The following GULP1 variants were observed in gnomAD, a reference collection of about 807,000 sequenced individuals.
GULP1 encodes the protein PTB domain-containing engulfment adapter protein 1.
In GULP1, 19 loss-of-function variants were observed where a neutral mutation model predicts 40.9. The ratio of observed to expected loss-of-function variants is 0.46; its 90% CI spans 0.32 to 0.68. GULP1 has a LOEUF of 0.68. GULP1 is among the 30% of genes least tolerant of loss of function. The probability of loss-of-function intolerance (pLI) is 0.03; values close to 1 mark genes in which losing one functional copy is unlikely to be tolerated. For synonymous variants in GULP1, 119 were observed against 117.6 expected, an observed-to-expected ratio of 1.01 and a Z score of -0.08; for missense variants, 312 against 362.2, an observed-to-expected ratio of 0.86 and a Z score of 1.12.
intron 1 of GULP1, among the ~76,000 whole-genome samples, chr2:188,312,613 G>A (rs1351414771): frequency 6.6e-6 from 1 of 152,172 alleles, no homozygotes; most frequent in African/African-American, 2.4e-5. Flanking sequence ...ACATATGTGT[G>A]CATGTGTCTT....
intron 4 of GULP1, among the ~76,000 whole-genome samples, chr2:188,520,241 A>T (rs1021411532): frequency 2.0e-4 from 31 of 152,148 alleles, no homozygotes; most frequent in African/African-American, 7.2e-4. Flanking sequence ...CAAGCATATT[A>T]AAAAAGGAAC....
At chr2:188,396,446 G>C (rs1216225466) in intron 2 of GULP1, among the ~76,000 whole-genome samples, 1 of 152,226 alleles carries the variant, frequency 6.6e-6, no homozygotes, top group Non-Finnish European at 1.5e-5. Flanking sequence ...GCGGAGCGGG[G>C]AGTAACAGGT....
chr2:188,580,912 G>A (rs79263054), intron 9 of GULP1, among the ~76,000 whole-genome samples: 3,187 of 152,266 alleles, frequency 0.021, 105 homozygotes, highest in African/African-American at 0.073. Context: ...TGAGGAATGT[G>A]GCTCCCGGCC....
At chr2:188,494,214 G>A (rs1242442935) in intron 4 of GULP1, among the ~76,000 whole-genome samples, 1 of 151,848 alleles carries the variant, frequency 6.6e-6, no homozygotes, top group African/African-American at 2.4e-5. Flanking sequence ...TCTTCCACAG[G>A]TATCAGCTGT....
At chr2:188,436,714 G>A (rs2057441059) in intron 2 of GULP1, among the ~76,000 whole-genome samples, 1 of 151,978 alleles carries the variant, frequency 6.6e-6, no homozygotes, top group South Asian at 2.1e-4. Flanking sequence ...TTAACAGGTA[G>A]TTTATACATA....
At chr2:188,544,585 G>A (rs1220093223) in intron 7 of GULP1, among the ~76,000 whole-genome samples, 2 of 151,570 alleles carry the variant, frequency 1.3e-5, no homozygotes, top group Admixed American at 6.6e-5. Flanking sequence ...ATAAAGTAAT[G>A]ACATGAAAGA....
At chr2:188,384,587 T>G (rs1183951650) in intron 2 of GULP1, among the ~76,000 whole-genome samples, 1 of 152,242 alleles carries the variant, frequency 6.6e-6, no homozygotes. Context: ...TCCCCCAAAG[T>G]CTTAACTCAT....
intron 4 of GULP1, chr2:188,491,318 A>G (rs1041544800): frequency 1.3e-5 from 2 of 152,106 alleles, no homozygotes; most frequent in African/African-American, 2.4e-5. Context: ...ATACCATTTC[A>G]GTAATGGTGT....
intron 4 of GULP1, among the ~76,000 whole-genome samples, chr2:188,492,850 G>A (rs114621846): frequency 1.1e-3 from 174 of 152,056 alleles, no homozygotes; most frequent in African/African-American, 4.1e-3. Flanking sequence ...TGGCATCATC[G>A]TGTTTTTCCT....
At chr2:188,390,105 TG>T (rs569033182) in intron 2 of GULP1, among the ~76,000 whole-genome samples, 30 of 152,240 alleles carry the variant, frequency 2.0e-4, no homozygotes, top group African/African-American at 7.0e-4. Context: ...GGTGTCTTTT[TG>T]TTATGACTTC....
chr2:188,545,695 A>G (rs1691744853), intron 7 of GULP1, among the ~76,000 whole-genome samples: 2 of 152,062 alleles, frequency 1.3e-5, no homozygotes, highest in South Asian at 4.1e-4. Context: ...AACAGAAAAG[A>G]AAAAGATTAA....
chr2:188,364,396 C>T (rs995425702), intron 1 of GULP1, among the ~76,000 whole-genome samples: 3 of 152,102 alleles, frequency 2.0e-5, no homozygotes, highest in African/African-American at 7.2e-5. Flanking sequence ...AATACTACCA[C>T]GCTCATGGTA....
At chr2:188,358,812 C>A (rs2045706203) in intron 1 of GULP1, among the ~76,000 whole-genome samples, 1 of 151,944 alleles carries the variant, frequency 6.6e-6, no homozygotes, top group South Asian at 2.1e-4. Context: ...TTTGAAAACA[C>A]CTGTTGTAAT....
At chr2:188,410,661 C>T (rs993882079) in intron 2 of GULP1, among the ~76,000 whole-genome samples, 1 of 152,036 alleles carries the variant, frequency 6.6e-6, no homozygotes, top group South Asian at 2.1e-4. Context: ...TCTCATTAGA[C>T]GTAGGAAGAG....
At chr2:188,505,515 A>T (rs1446511499) in intron 4 of GULP1, among the ~76,000 whole-genome samples, 1 of 151,832 alleles carries the variant, frequency 6.6e-6, no homozygotes. Context: ...AATATACAAC[A>T]GCATATTCTA....
intron 2 of GULP1, among the ~76,000 whole-genome samples, chr2:188,438,266 C>T (rs2057595409): frequency 6.6e-6 from 1 of 151,910 alleles, no homozygotes. Flanking sequence ...ATTTCATCTT[C>T]CAACATCTTA....
At chr2:188,376,774 C>T (rs2048341465) in intron 1 of GULP1, among the ~76,000 whole-genome samples, 1 of 152,128 alleles carries the variant, frequency 6.6e-6, no homozygotes, top group African/African-American at 2.4e-5. Context: ...TGGTGGAAGT[C>T]TATGTTGACA....
At chr2:188,302,633 C>A (rs974798327) in intron 1 of GULP1, among the ~76,000 whole-genome samples, 8 of 152,106 alleles carry the variant, frequency 5.3e-5, no homozygotes. Flanking sequence ...TAAGTAAGAG[C>A]TAGTGACAAA....
chr2:188,439,645 A>G (rs1411390420), intron 2 of GULP1, among the ~76,000 whole-genome samples: 2 of 152,112 alleles, frequency 1.3e-5, no homozygotes, highest in East Asian at 1.9e-4. Flanking sequence ...CCAAATTGCT[A>G]TCAGTGGTAA....
Sources: allele counts gnomAD v4.1 joint callset (sites outside exome capture counted in the v4.1 genomes callset), GRCh38; gene constraint gnomAD v4.1.1; transcripts MANE v1.5; gene names NCBI Gene and HGNC (gene_info 2026-07-23, HGNC 2026-07-21).